SLC26A7: variants seen among roughly 807,000 people sequenced by gnomAD.
The protein encoded by SLC26A7 is solute carrier family 26 member 7.
Under a neutral mutation model 82.5 loss-of-function variants are expected in SLC26A7, and 59 were observed. The ratio of observed to expected loss-of-function variants is 0.72; its 90% confidence interval spans 0.58 to 0.89. The LOEUF is 0.89. SLC26A7 is among the 40% of genes least tolerant of loss of function. The pLI, the probability that SLC26A7 is intolerant of heterozygous loss-of-function variation, is 0.00. For synonymous variants in SLC26A7, 271 were observed against 274.3 expected, an observed-to-expected ratio of 0.99 and a Z score of 0.12; for missense variants, 820 against 793.0, an observed-to-expected ratio of 1.03 and a Z score of -0.41.
intron 5 of SLC26A7, among the ~76,000 whole-genome samples, chr8:91,320,251 C>T (rs367774605): frequency 2.4e-4 from 36 of 152,098 alleles, no homozygotes; most frequent in East Asian, 1.6e-3. Context: ...TTAGTAGAGA[C>T]GGGGTTTCAC....
chr8:91,359,135 G>T (rs189817504), intron 11 of SLC26A7, among the ~76,000 whole-genome samples: 2 of 152,286 alleles, frequency 1.3e-5, no homozygotes, highest in Admixed American at 1.3e-4. Flanking sequence ...GGTTTACAAT[G>T]CAGATAACAA....
chr8:91,334,570 A>G (rs1332616900), intron 6 of SLC26A7, 123 bp downstream of exon 6: 2 of 811,100 alleles, frequency 2.5e-6, no homozygotes, highest in Non-Finnish European at 3.6e-6. Flanking sequence ...TCATTAAAGC[A>G]GGGCTAATTT....
chr8:91,243,895 C>T (rs758288780), intron 2 of SLC26A7, among the ~76,000 whole-genome samples: 3 of 151,976 alleles, frequency 2.0e-5, no homozygotes, highest in African/African-American at 7.3e-5. Flanking sequence ...TTAAAAGAAA[C>T]CTGCATTAAA....
At chr8:91,257,649 C>T (rs1253873409) in intron 2 of SLC26A7, among the ~76,000 whole-genome samples, 1 of 151,890 alleles carries the variant, frequency 6.6e-6, no homozygotes, top group East Asian at 1.9e-4. Context: ...ATTTTTTCCC[C>T]TTCATTCTTT....
At chr8:91,301,802 AT>A (rs902317567) in intron 4 of SLC26A7, among the ~76,000 whole-genome samples, 176 of 125,414 alleles carry the variant, frequency 1.4e-3, no homozygotes, top group East Asian at 0.013. Flanking sequence ...TTTACTTGTT[AT>A]TTTTTTTTCA....
intron 2 of SLC26A7, among the ~76,000 whole-genome samples, chr8:91,232,930 T>C (rs1174516872): frequency 6.6e-6 from 1 of 152,212 alleles, no homozygotes; most frequent in African/African-American, 2.4e-5. Flanking sequence ...TGAAAGCTGG[T>C]GATTACTGAC....
intron 9 of SLC26A7, 107 bp downstream of exon 9, chr8:91,343,573 T>C: frequency 2.9e-6 from 2 of 700,230 alleles, no homozygotes; most frequent in East Asian, 2.8e-5. Flanking sequence ...TATTTTCACT[T>C]ATTTAATTTT....
At chr8:91,224,898 C>G (rs1810212485) in intron 2 of SLC26A7, among the ~76,000 whole-genome samples, 1 of 152,140 alleles carries the variant, frequency 6.6e-6, no homozygotes, top group Non-Finnish European at 1.5e-5. Flanking sequence ...TATTGGAGAT[C>G]CTGCAGGGAA....
intron 2 of SLC26A7, among the ~76,000 whole-genome samples, chr8:91,275,148 G>T (rs960363635): frequency 1.3e-5 from 2 of 152,102 alleles, no homozygotes; most frequent in African/African-American, 2.4e-5. Context: ...CATAGGAAAA[G>T]ATACCATATA....
chr8:91,394,417 G>T (rs1425706088), intron 18 of SLC26A7: 7 of 1,439,654 alleles, frequency 4.9e-6, no homozygotes, highest in Non-Finnish European at 6.4e-6. Flanking sequence ...TTTCTGCTCT[G>T]ATATCTTGCC....
intron 11 of SLC26A7, among the ~76,000 whole-genome samples, chr8:91,355,833 C>T (rs926021636): frequency 2.6e-5 from 4 of 152,078 alleles, no homozygotes; most frequent in Admixed American, 6.6e-5. Context: ...CCCATTAACT[C>T]GTCATTTAGC....
At position 91,302,818 on chromosome 8, in the gene SLC26A7, C is replaced by CT. The variant is rs11333572; in HGVS notation, c.477+7131dup. ...TGAATGTAATGTCCCTTCCCCTTCT[C>CT]TTTTTTTTTTTTTTTTGGTCTGGTT... On this transcript the variant is annotated intron_variant, in intron 4 of 18. Coordinates refer to ENST00000276609, the MANE Select transcript of SLC26A7 (RefSeq NM_052832.4). Among the ~76,000 whole-genome samples, 207 of 129,604 alleles carry CT rather than the reference C, an allele frequency of 1.6e-3. 2 individuals are homozygous for CT. Among genetic ancestry groups the CT allele is most frequent in the South Asian group, 4.9e-3 (20 of 4,064 alleles). The allele number at this position is 129,604 out of a possible 152,430, so 85.0% of individuals were successfully genotyped here.
At chr8:91,223,032 G>A (rs780169668) in intron 2 of SLC26A7, among the ~76,000 whole-genome samples, 3 of 152,116 alleles carry the variant, frequency 2.0e-5, no homozygotes, top group South Asian at 4.1e-4. Context: ...GGTCTATTCA[G>A]GGATTCGACT....
chr8:91,234,592 G>A (rs1788807692), intron 2 of SLC26A7, among the ~76,000 whole-genome samples: 3 of 151,860 alleles, frequency 2.0e-5, no homozygotes, highest in South Asian at 2.1e-4. Context: ...TCCCATAAGG[G>A]AATTCCGAAA....
At chr8:91,375,491 T>A (rs1370556238) in intron 15 of SLC26A7, among the ~76,000 whole-genome samples, 1 of 152,110 alleles carries the variant, frequency 6.6e-6, no homozygotes, top group Non-Finnish European at 1.5e-5. Context: ...GAAGCTTAGT[T>A]TGATAGAATA....
intron 15 of SLC26A7, among the ~76,000 whole-genome samples, chr8:91,382,816 C>T (rs998833419): frequency 3.3e-5 from 5 of 152,144 alleles, no homozygotes; most frequent in African/African-American, 4.8e-5. Context: ...TAGCAATTCA[C>T]AGGACATTAT....
At chr8:91,366,128 T>C (rs1250748888) in intron 13 of SLC26A7, among the ~76,000 whole-genome samples, 1 of 152,198 alleles carries the variant, frequency 6.6e-6, no homozygotes, top group Admixed American at 6.5e-5. Context: ...TGTAAAGTTA[T>C]ATTTCAGCTG....
At chr8:91,272,269 C>T (rs1483064915) in intron 2 of SLC26A7, among the ~76,000 whole-genome samples, 3 of 152,122 alleles carry the variant, frequency 2.0e-5, no homozygotes, top group African/African-American at 7.2e-5. Context: ...CTGTGTTCAC[C>T]TGGGCTTCAT....
intron 2 of SLC26A7, among the ~76,000 whole-genome samples, chr8:91,225,340 G>A (rs1377647291): frequency 1.3e-5 from 2 of 152,170 alleles, no homozygotes; most frequent in African/African-American, 4.8e-5. Flanking sequence ...GGGTTGCACA[G>A]TTCCGTGGAA....
Sources: allele counts gnomAD v4.1 joint callset (sites outside exome capture counted in the v4.1 genomes callset), GRCh38; gene constraint gnomAD v4.1.1; transcripts MANE v1.5; gene names NCBI Gene and HGNC (gene_info 2026-07-23, HGNC 2026-07-21).